CTNNA2: variants seen among roughly 807,000 people sequenced by gnomAD.
CTNNA2 encodes the protein catenin alpha-2.
CTNNA2 carries 42 observed loss-of-function variants against 101.0 expected under a neutral mutation model. The ratio of observed to expected loss-of-function variants is 0.42; its 90% CI spans 0.32 to 0.54. The LOEUF (loss-of-function observed/expected upper bound fraction) is 0.54. CTNNA2 is among the 20% of genes least tolerant of loss of function. CTNNA2 has a pLI of 0.14. For synonymous variants in CTNNA2, 450 were observed against 456.4 expected (o/e 0.99, Z 0.18); for missense variants, 871 against 1,223.1 (o/e 0.71, Z 4.29).
At chr2:80,201,415 C>G (rs1271686842) in intron 7 of CTNNA2, among the ~76,000 whole-genome samples, 1 of 145,446 alleles carries the variant, frequency 6.9e-6, no homozygotes, top group Non-Finnish European at 1.5e-5. Context: ...GCTATGTCAC[C>G]CAGGCTGGAG....
intron 8 of CTNNA2, among the ~76,000 whole-genome samples, chr2:80,409,646 G>A (rs1679387918): frequency 1.3e-5 from 2 of 152,182 alleles, no homozygotes; most frequent in Admixed American, 1.3e-4. Context: ...GTACAGTTTA[G>A]TAAAGTAAGT....
intron 7 of CTNNA2, among the ~76,000 whole-genome samples, chr2:80,287,046 C>A (rs1674832532): frequency 1.3e-5 from 2 of 152,144 alleles, no homozygotes; most frequent in South Asian, 4.1e-4. Context: ...AAAGAGATGT[C>A]CTGAACAGTC....
intron 7 of CTNNA2, among the ~76,000 whole-genome samples, chr2:80,146,769 G>A (rs1345033023): frequency 9.4e-6 from 1 of 106,900 alleles, no homozygotes; most frequent in Non-Finnish European, 1.7e-5. Flanking sequence ...CTGTCACCCA[G>A]GCTGGACTGC....
chr2:80,366,539 G>A (rs1367494206), intron 7 of CTNNA2, among the ~76,000 whole-genome samples: 4 of 152,128 alleles, frequency 2.6e-5, no homozygotes, highest in African/African-American at 9.7e-5. Context: ...GAGATCTGCA[G>A]ATCTAGCCGA....
chr2:79,646,372 A>AT (rs1253286624), intron 1 of CTNNA2, among the ~76,000 whole-genome samples: 3 of 151,924 alleles, frequency 2.0e-5, no homozygotes, highest in Non-Finnish European at 4.4e-5. Context: ...CAGGTTTTGT[A>AT]TTTTCTATCA....
chr2:80,604,185 A>G lies in CTNNA2; in HGVS notation c.2295+6A>G, dbSNP rs1228231110. 3 of 1,609,938 alleles carry G rather than the reference A, an allele frequency of 1.9e-6. No homozygotes were observed. Among genetic ancestry groups the G allele is most frequent in the African/African-American group, 2.7e-5 (2 of 74,800 alleles). On this transcript the variant is annotated splice_donor_region_variant and intron_variant, in intron 16 of 18. Coordinates refer to ENST00000402739, the MANE Select transcript of CTNNA2 (RefSeq NM_001282597.3). ...CTCGTGCTGTGGCTGATCAGGTAATAGAAGAGGGAAGGGTGGGCACATGCT... is the reference window on the plus strand; with the variant it reads ...CTCGTGCTGTGGCTGATCAGGTAATGGAAGAGGGAAGGGTGGGCACATGCT...
intron 6 of CTNNA2, among the ~76,000 whole-genome samples, chr2:79,897,060 A>G (rs1320649900): frequency 1.3e-5 from 2 of 152,156 alleles, no homozygotes; most frequent in Non-Finnish European, 2.9e-5. Context: ...TTTTTACACA[A>G]TGCTTGCTGA....
In CTNNA2 at chr2:79,316,831, G is replaced by A. The variant is rs80260415; in HGVS notation, c.-318+4035G>A. Among the ~76,000 whole-genome samples the A allele has an allele frequency of 4.8e-3, 723 of 150,848 alleles. 12 individuals are homozygous for A. The East Asian group carries it at 0.062, about 13-fold the overall frequency. Reference sequence around the variant, plus strand: ...AATTTCATAAGATTTTTCTATATACGAGATCATGTCACCTGTATATACAGA... The same window carrying A: ...AATTTCATAAGATTTTTCTATATACAAGATCATGTCACCTGTATATACAGA... On this transcript the variant is annotated intron_variant, in intron 3 of 21. Transcript: ENST00000466387.
At chr2:80,583,145 C>T (rs1171574834) in intron 14 of CTNNA2, among the ~76,000 whole-genome samples, 1 of 152,104 alleles carries the variant, frequency 6.6e-6, no homozygotes, top group Non-Finnish European at 1.5e-5. Flanking sequence ...AGACCTCTCT[C>T]TAAAATGCGA....
rs143732778 is a variant in CTNNA2, at chr2:79,999,354, A to G, written c.1056+89557A>G. Among the ~76,000 whole-genome samples the G allele has an allele frequency of 5.5e-3, 839 of 152,300 alleles. 5 individuals are homozygous for G. The highest frequency in any genetic ancestry group is 0.019 in the African/African-American group (794 of 41,570). ...CTAGCCACCATAGTTGTTTCCTTACAAAGCAACTGGTTATCTCTCCTATAC... is the reference window on the plus strand; with the variant it reads ...CTAGCCACCATAGTTGTTTCCTTACGAAGCAACTGGTTATCTCTCCTATAC... On this transcript the variant is annotated intron_variant, in intron 7 of 18. Coordinates refer to ENST00000402739, the MANE Select transcript of CTNNA2 (RefSeq NM_001282597.3).
intron 7 of CTNNA2, among the ~76,000 whole-genome samples, chr2:80,107,762 A>G (rs543713868): frequency 6.6e-6 from 1 of 152,218 alleles, no homozygotes; most frequent in Non-Finnish European, 1.5e-5. Flanking sequence ...CAGAGCTAAT[A>G]GAGCACTGTA....
At chr2:79,386,108 C>A (rs754808817) in intron 4 of CTNNA2, among the ~76,000 whole-genome samples, 65 of 152,318 alleles carry the variant, frequency 4.3e-4, no homozygotes, top group Non-Finnish European at 7.8e-4. Flanking sequence ...AATTGCCACA[C>A]TGTCTTCCAC....
chr2:79,193,576 A>C (rs1329781465), intron 1 of CTNNA2, among the ~76,000 whole-genome samples: 2 of 152,166 alleles, frequency 1.3e-5, no homozygotes, highest in African/African-American at 4.8e-5. Context: ...TTTTCTTAGA[A>C]TGTATCCCCA....
chr2:80,504,546 G>A (rs1688124258), intron 9 of CTNNA2, among the ~76,000 whole-genome samples: 1 of 152,136 alleles, frequency 6.6e-6, no homozygotes, highest in East Asian at 1.9e-4. Flanking sequence ...CCTTGGGGTG[G>A]TCTTAGAATT....
At chr2:79,187,147 T>A (rs912633004) in intron 1 of CTNNA2, among the ~76,000 whole-genome samples, 2 of 152,054 alleles carry the variant, frequency 1.3e-5, no homozygotes, top group Admixed American at 6.6e-5. Flanking sequence ...CATTTGTGTC[T>A]GATATATCCA....
chr2:79,648,465 A>C (rs2104458328), intron 1 of CTNNA2, among the ~76,000 whole-genome samples: 1 of 152,278 alleles, frequency 6.6e-6, no homozygotes, highest in Non-Finnish European at 1.5e-5. Context: ...TTTTAAGGAA[A>C]ATGTTCCTAC....
intron 7 of CTNNA2, among the ~76,000 whole-genome samples, chr2:80,092,051 C>T (rs766509913): frequency 3.3e-5 from 5 of 152,078 alleles, no homozygotes; most frequent in Admixed American, 6.6e-5. Context: ...CTAGCAATCA[C>T]GACAAATGAT....
chr2:80,114,166 C>T (rs1269084195), intron 7 of CTNNA2, among the ~76,000 whole-genome samples: 3 of 152,140 alleles, frequency 2.0e-5, no homozygotes, highest in South Asian at 2.1e-4. Flanking sequence ...GTCTCTTCCT[C>T]CTCAGTCCTC....
chr2:79,977,869 C>T (rs757016417), intron 7 of CTNNA2, among the ~76,000 whole-genome samples: 1 of 152,044 alleles, frequency 6.6e-6, no homozygotes, highest in Non-Finnish European at 1.5e-5. Flanking sequence ...ATATCCTTCT[C>T]AGCCTCAATT....
Sources: allele counts gnomAD v4.1 joint callset (sites outside exome capture counted in the v4.1 genomes callset), GRCh38; gene constraint gnomAD v4.1.1; transcripts MANE v1.5; gene names NCBI Gene and HGNC (gene_info 2026-07-23, HGNC 2026-07-21).